The following KMO variants were observed in gnomAD, a reference collection of about 807,000 sequenced individuals.
KMO encodes kynurenine 3-hydroxylase.
In KMO, 24 loss-of-function variants were observed where a neutral mutation model predicts 57.8. The ratio of observed to expected loss-of-function variants is 0.42; its 90% CI spans 0.30 to 0.58. KMO has a LOEUF of 0.58. Ranked by LOEUF, KMO falls within the 20% of genes least tolerant of loss-of-function variation. The pLI is 0.22. For synonymous variants in KMO, 210 were observed against 193.6 expected (o/e 1.08, Z -0.70); for missense variants, 483 against 588.2 (o/e 0.82, Z 1.85).
chr1:241,569,019 T>A (rs541396012), intron 10 of KMO, among the ~76,000 whole-genome samples: 16 of 152,216 alleles, frequency 1.1e-4, no homozygotes, highest in Middle Eastern at 3.4e-3. Flanking sequence ...TCTAATTTTT[T>A]AAAATTTTTT....
Position 241,594,365 on chromosome 1 carries a change from A to T in KMO, c.*2212A>T. The T allele has an allele frequency of 6.5e-7, 1 of 1,542,250 alleles. No individual in the cohort carries two copies. The highest frequency in any genetic ancestry group is 8.8e-7 in the Non-Finnish European group (1 of 1,133,568). On this transcript the variant is annotated 3_prime_UTR_variant, in exon 15 of 15. Coordinates refer to ENST00000366559, the MANE Select transcript of KMO (RefSeq NM_003679.5). The stretch of plus-strand genomic sequence containing the variant: ...AGAACGGGTATTCCAGACACTTCTT[A>T]TGATGAAAGTCCAAAAGTGGCATCC...
chr1:241,564,974 C>CT lies in KMO; in HGVS notation c.616-7dup. On this transcript the variant is annotated splice_polypyrimidine_tract_variant and intron_variant, in intron 7 of 14. Transcript: ENST00000366559. ...TGAATGCACTAATCAATCATATATT[C>CT]TTTTTTCTGCAGTATGCCATGGAAC... The CT allele has an allele frequency of 6.4e-7, 1 of 1,568,292 alleles. No individual in the cohort carries two copies. The highest frequency in any genetic ancestry group is 8.8e-7 in the Non-Finnish European group (1 of 1,139,702).
intron 10 of KMO, among the ~76,000 whole-genome samples, chr1:241,580,829 T>C (rs1662720780): frequency 6.6e-6 from 1 of 152,138 alleles, no homozygotes; most frequent in Non-Finnish European, 1.5e-5. Flanking sequence ...TCTGCCTTTT[T>C]TGGATAATAT....
chr1:241,534,820 A>C (rs1254107677), intron 1 of KMO, among the ~76,000 whole-genome samples: 7 of 152,198 alleles, frequency 4.6e-5, no homozygotes, highest in Admixed American at 2.0e-4. Flanking sequence ...AAAATCTTCC[A>C]ATGATCTCCC....
At position 241,549,245 on chromosome 1, in the gene KMO, GAAA is replaced by G. The variant is rs1558414834; in HGVS notation, c.124+348_124+350del. On this transcript the variant is annotated intron_variant, in intron 2 of 14. Transcript: ENST00000366559. ...AGAAAGAAAGAAAGAAAGAAAGAAA[GAAA>G]GAAAGAAAGAAAGAAAGAAAGGAAG... 1.8e-3 allele frequency among the ~76,000 whole-genome samples: 37 copies of G among 20,190 alleles called. 2 individuals are homozygous for G. Among genetic ancestry groups the G allele is most frequent in the African/African-American group, 3.5e-3 (33 of 9,352 alleles). 13.2% of individuals were successfully genotyped at this position (20,190 alleles called of 152,430 possible).
At position 241,532,450 on chromosome 1, in the gene KMO, C is replaced by G. The variant is rs1363672526; in HGVS notation, c.6C>G (p.Asp2Glu). 8.7e-6 allele frequency: 14 copies of G among 1,611,288 alleles called. No homozygotes were observed. The highest frequency in any genetic ancestry group is 1.2e-5 in the Non-Finnish European group (14 of 1,179,234). ...TGAAAAATACTTCAGCAGTTATGGA[C>G]TCATCTGTCATTCAAAGGAAAAAAG... is the stretch of plus-strand genomic sequence containing the variant. Reference protein sequence around the residue: MDSSVIQRKKVA... With the variant: MESSVIQRKKVA... The change falls in exon 1 of 15, where the codon GAC (aspartate) becomes GAG (glutamate). Residue 2 changes from aspartate (D) to glutamate (E), a missense_variant. Physicochemically the swap from Asp to Glu is conservative, Grantham distance 45. Around this residue, in one of 3 missense-constraint regions of KMO, gnomAD observed 70 missense variants for 78.4 expected, o/e 0.89. Transcript: ENST00000366559.
Position 241,594,291 on chromosome 1 carries a change from G to A in KMO, c.*2138G>A, listed in dbSNP as rs996396368. On this transcript the variant is annotated 3_prime_UTR_variant, in exon 15 of 15. Coordinates refer to ENST00000366559, the MANE Select transcript of KMO (RefSeq NM_003679.5). ...CTCTTCCTGAGGCCCAAGAGCATAT[G>A]GGCAATTCGGATTTCCTGCTGGACC... 24 of 932,328 alleles carry A rather than the reference G, an allele frequency of 2.6e-5. No homozygotes were observed. The South Asian group carries it at 3.7e-4, about 14-fold the overall frequency. The allele number at this position is 932,328 out of a possible 1,614,324, so 57.8% of individuals were successfully genotyped here.
At chr1:241,536,474 A>C in intron 1 of KMO, 1 of 983,192 alleles carries the variant, frequency 1.0e-6, no homozygotes. Context: ...GTTTACAGGT[A>C]TGACGAAAGT....
chr1:241,543,003 T>C (rs1661011274), intron 1 of KMO, among the ~76,000 whole-genome samples: 1 of 152,230 alleles, frequency 6.6e-6, no homozygotes, highest in Non-Finnish European at 1.5e-5. Context: ...TTTCTTTAAA[T>C]TTATTTGAAC....
rs1399274656 is a variant in KMO, at chr1:241,594,389, C to T, written c.*2236C>T. 6.3e-7 allele frequency: 1 copy of T among 1,588,878 alleles called. No homozygotes were observed. Among genetic ancestry groups the T allele is most frequent in the Non-Finnish European group, 8.6e-7 (1 of 1,165,862 alleles). On this transcript the variant is annotated 3_prime_UTR_variant, in exon 15 of 15. Transcript: ENST00000366559. The stretch of plus-strand genomic sequence containing the variant: ...TATGATGAAAGTCCAAAAGTGGCAT[C>T]CAATTTAAGGCCCCATCTTTCGTTG...
Position 241,590,244 on chromosome 1 carries a change from G to T in KMO, c.1241G>T (p.Arg414Leu). ...ATAAGATACCATGAGGCTGTGCAGC[G>T]TTGGCATTGGCAAAAAAAGGTTGGA... ...SRIRYHEAVQ[R>L]WHWQKKVINK... The change falls in exon 14 of 15, where the codon CGT becomes CTT. Residue 414 changes from arginine to leucine, a missense_variant. Physicochemically the swap from Arg to Leu is moderately radical, Grantham distance 102. This residue lies in a region of KMO where 410 missense variants were observed against 492.3 expected (regional missense o/e 0.83). Coordinates refer to ENST00000366559, the MANE Select transcript of KMO (RefSeq NM_003679.5). 6.2e-7 allele frequency: 1 copy of T among 1,613,686 alleles called. No individual in the cohort carries two copies. Among genetic ancestry groups the T allele is most frequent in the Non-Finnish European group, 8.5e-7 (1 of 1,179,698 alleles).
chr1:241,551,623 T>A (rs1321809294), intron 4 of KMO, among the ~76,000 whole-genome samples: 1 of 152,232 alleles, frequency 6.6e-6, no homozygotes, highest in Non-Finnish European at 1.5e-5. Context: ...GGGGGAAATA[T>A]GTATTTGTAT....
intron 1 of KMO, chr1:241,536,411 T>A: frequency 1.7e-6 from 1 of 592,020 alleles, no homozygotes; most frequent in Non-Finnish European, 2.1e-6. Context: ...AATCCACATC[T>A]GAATTCAGTC....
intron 1 of KMO, among the ~76,000 whole-genome samples, chr1:241,537,825 C>T (rs928241917): frequency 2.0e-5 from 3 of 152,120 alleles, no homozygotes; most frequent in African/African-American, 7.2e-5. Flanking sequence ...GGGAAAGACC[C>T]AATCCCATGA....
chr1:241,560,548 G>T, intron 5 of KMO, 117 bp from the exon 6 acceptor site: 2 of 709,122 alleles, frequency 2.8e-6, no homozygotes, highest in South Asian at 3.5e-5. Context: ...TTTTTACATT[G>T]TTATGAATAA....
intron 6 of KMO, among the ~76,000 whole-genome samples, chr1:241,561,783 T>C (rs992254915): frequency 8.5e-5 from 13 of 152,236 alleles, no homozygotes; most frequent in African/African-American, 2.2e-4. Flanking sequence ...TAAGCTTTTC[T>C]TCTAATACCT....
intron 5 of KMO, 92 bp from the exon 6 acceptor site, chr1:241,560,573 C>A: frequency 1.1e-6 from 1 of 903,644 alleles, no homozygotes; most frequent in Admixed American, 1.9e-5. Context: ...CTCTACCATA[C>A]TGTTCCCAGA....
intron 10 of KMO, among the ~76,000 whole-genome samples, chr1:241,577,960 C>A (rs72768012): frequency 0.033 from 4,994 of 152,260 alleles, 128 homozygotes; most frequent in Non-Finnish European, 0.045. Context: ...CCAGATACAT[C>A]CCTGACCCAG....
intron 3 of KMO, 72 bp from the exon 4 acceptor site, chr1:241,550,883 A>G (rs971121858): frequency 1.4e-6 from 1 of 719,954 alleles, no homozygotes; most frequent in African/African-American, 1.9e-5. Flanking sequence ...TACATTTAAA[A>G]ATCAACTTCT....
Sources: gnomAD v4.1 joint callset for allele counts (sites outside exome capture counted in the v4.1 genomes callset) on GRCh38, gnomAD v4.1.1 for gene constraint, gnomAD v4.1.1 regional missense constraint, MANE v1.5 for transcripts, NCBI Gene and HGNC (gene_info 2026-07-23, HGNC 2026-07-21) for gene names.